PRKCB: variants seen among roughly 807,000 people sequenced by gnomAD.
PRKCB encodes protein kinase C beta, also known as protein kinase C beta type.
In PRKCB, 13 loss-of-function variants were observed where a neutral mutation model predicts 81.5. The observed-to-expected ratio is 0.16, with a 90% CI of 0.10 to 0.25. The LOEUF is 0.25. Among genes scored for constraint, PRKCB ranks in the 10% least tolerant of loss-of-function variants. The pLI, the probability that PRKCB is intolerant of heterozygous loss-of-function variation, is 1.00. For missense variants in PRKCB, 509 were observed against 875.7 expected (o/e 0.58, Z 5.29); for synonymous variants, 335 against 321.4 (o/e 1.04, Z -0.45).
intron 2 of PRKCB, among the ~76,000 whole-genome samples, chr16:23,887,072 TTC>T (rs1963214897): frequency 6.6e-6 from 1 of 152,216 alleles, no homozygotes; most frequent in South Asian, 2.1e-4. Flanking sequence ...CCTTCTTTCT[TTC>T]TCTCTCTTTC....
chr16:24,061,044 G>A (rs553961628), intron 5 of PRKCB, among the ~76,000 whole-genome samples: 2 of 152,168 alleles, frequency 1.3e-5, no homozygotes, highest in South Asian at 2.1e-4. Context: ...GTACATAATA[G>A]GTGCTTGTTA....
intron 2 of PRKCB, among the ~76,000 whole-genome samples, chr16:23,948,386 T>C (rs1964232310): frequency 6.6e-6 from 1 of 152,264 alleles, no homozygotes; most frequent in East Asian, 1.9e-4. Context: ...CAACACTTTA[T>C]GTGTGTTATC....
chr16:24,206,199 C>T (rs1968042928), intron 16 of PRKCB, among the ~76,000 whole-genome samples: 1 of 152,138 alleles, frequency 6.6e-6, no homozygotes, highest in South Asian at 2.1e-4. Flanking sequence ...AAACCCAGAC[C>T]ACAAATGACT....
intron 5 of PRKCB, among the ~76,000 whole-genome samples, chr16:24,039,010 A>C (rs1040760242): frequency 2.6e-5 from 4 of 152,016 alleles, no homozygotes; most frequent in Admixed American, 1.3e-4. Flanking sequence ...GGGTTAGATG[A>C]GGTTGTGAGG....
chr16:24,016,055 C>A (rs993270899), intron 3 of PRKCB, among the ~76,000 whole-genome samples: 3 of 152,112 alleles, frequency 2.0e-5, no homozygotes, highest in African/African-American at 7.2e-5. Context: ...GTGGGTAATT[C>A]ATTCCCTAGA....
intron 10 of PRKCB, among the ~76,000 whole-genome samples, chr16:24,164,473 A>G (rs1024121223): frequency 6.6e-6 from 1 of 152,240 alleles, no homozygotes; most frequent in African/African-American, 2.4e-5. Context: ...TGTAATGAAG[A>G]ATCACAATAA....
At chr16:24,008,911 G>C (rs1206791004) in intron 3 of PRKCB, among the ~76,000 whole-genome samples, 2 of 151,906 alleles carry the variant, frequency 1.3e-5, no homozygotes, top group Non-Finnish European at 2.9e-5. Flanking sequence ...CTATCAATTT[G>C]ACTATTTTTG....
At chr16:23,858,464 G>A (rs931699045) in intron 2 of PRKCB, among the ~76,000 whole-genome samples, 2 of 152,162 alleles carry the variant, frequency 1.3e-5, no homozygotes, top group African/African-American at 4.8e-5. Context: ...AAGTGTGCCT[G>A]CCACAGCAAT....
chr16:24,171,298 A>G (rs956030688), intron 10 of PRKCB, among the ~76,000 whole-genome samples: 2 of 152,182 alleles, frequency 1.3e-5, no homozygotes, highest in Non-Finnish European at 2.9e-5. Flanking sequence ...TGCTGGCAGG[A>G]GGCCTCAGTT....
chr16:23,994,425 T>A (rs1026564084), intron 3 of PRKCB, among the ~76,000 whole-genome samples: 7 of 152,174 alleles, frequency 4.6e-5, no homozygotes, highest in Admixed American at 6.5e-5. Flanking sequence ...CCCACTATGA[T>A]GGGTGAAGCC....
intron 2 of PRKCB, among the ~76,000 whole-genome samples, chr16:23,884,533 CT>C (rs1363767910): frequency 6.6e-6 from 1 of 152,078 alleles, no homozygotes; most frequent in African/African-American, 2.4e-5. Context: ...ACTGAACCAT[CT>C]CCTTTTCTTT....
chr16:23,984,126 G>A (rs1316604111), intron 2 of PRKCB, among the ~76,000 whole-genome samples: 1 of 152,184 alleles, frequency 6.6e-6, no homozygotes, highest in Non-Finnish European at 1.5e-5. Context: ...ATCTTTAAAT[G>A]TTTAATGAAG....
At chr16:24,003,512 G>C (rs917414396) in intron 3 of PRKCB, among the ~76,000 whole-genome samples, 1 of 151,620 alleles carries the variant, frequency 6.6e-6, no homozygotes, top group Non-Finnish European at 1.5e-5. Context: ...AGCCTCCCAA[G>C]TAGCTGGGAC....
intron 5 of PRKCB, among the ~76,000 whole-genome samples, chr16:24,044,171 AT>A (rs1398246709): frequency 6.6e-6 from 1 of 152,122 alleles, no homozygotes; most frequent in Non-Finnish European, 1.5e-5. Flanking sequence ...TCTGGCCAAC[AT>A]GGTGAAACCC....
chr16:23,991,182 G>A (rs1344432882), intron 3 of PRKCB, among the ~76,000 whole-genome samples: 1 of 152,162 alleles, frequency 6.6e-6, no homozygotes, highest in Admixed American at 6.5e-5. Flanking sequence ...TGGGGTGGGA[G>A]TTTGTGGGGA....
intron 9 of PRKCB, among the ~76,000 whole-genome samples, chr16:24,127,456 A>G (rs1966846482): frequency 1.3e-5 from 2 of 152,094 alleles, no homozygotes; most frequent in Admixed American, 6.5e-5. Context: ...ACTTTTATTC[A>G]GTTAATTTGC....
At position 24,055,601 on chromosome 16, in the gene PRKCB, C is replaced by T. The variant is rs114490827; in HGVS notation, c.529+20054C>T. On this transcript the variant is annotated intron_variant, in intron 5 of 16. Transcript: ENST00000643927. ...TTTGATTTCATTTCTTCTTTCCAGA[C>T]GAATCCACTGTCTTAGCCCGTTGTT... Among the ~76,000 whole-genome samples the T allele has an allele frequency of 7.4e-3, 1,134 of 152,318 alleles. 20 individuals carry two copies. Among genetic ancestry groups the T allele is most frequent in the African/African-American group, 0.026 (1,092 of 41,550 alleles).
At chr16:23,840,570 TTATTTCAGGCAGCCAC>T (rs1159206770) in intron 2 of PRKCB, among the ~76,000 whole-genome samples, 2 of 152,162 alleles carry the variant, frequency 1.3e-5, no homozygotes, top group African/African-American at 4.8e-5. Context: ...AATGTAGTGT[TTATTTCAGGCAGCCAC>T]TATTTAGAGG....
chr16:24,096,367 G>C lies in PRKCB; in HGVS notation c.821+2070G>C, dbSNP rs139453697. 7.7e-3 allele frequency among the ~76,000 whole-genome samples: 1,177 copies of C among 152,148 alleles called. 9 individuals are homozygous for C. Among genetic ancestry groups the C allele is most frequent in the African/African-American group, 0.026 (1,095 of 41,520 alleles). On this transcript the variant is annotated intron_variant, in intron 7 of 16. Coordinates refer to ENST00000643927, the MANE Select transcript of PRKCB (RefSeq NM_002738.7). ...AGTTTGGAGGTTAAAGGCAAGCTGG[G>C]GGTTGGTTAGATCAAATCTCTTTCA...
Sources: gnomAD v4.1 joint callset for allele counts (sites outside exome capture counted in the v4.1 genomes callset) on GRCh38, gnomAD v4.1.1 for gene constraint, MANE v1.5 for transcripts, NCBI Gene and HGNC (gene_info 2026-07-23, HGNC 2026-07-21) for gene names.